KIAA1958: variants seen among roughly 807,000 people sequenced by gnomAD.
KIAA1958 encodes uncharacterized protein KIAA1958.
KIAA1958 carries 14 observed loss-of-function variants against 47.2 expected under a neutral mutation model. That is an observed-to-expected ratio of 0.30 (90% CI 0.20 to 0.46). The LOEUF (loss-of-function observed/expected upper bound fraction) is 0.46. Among genes scored for constraint, KIAA1958 ranks in the 20% least tolerant of loss-of-function variants. The probability of loss-of-function intolerance (pLI) is 1.00; values close to 1 mark genes in which losing one functional copy is unlikely to be tolerated. For synonymous variants in KIAA1958, 354 were observed against 353.3 expected, an observed-to-expected ratio of 1.00 and a Z score of -0.02; for missense variants, 803 against 909.2, an observed-to-expected ratio of 0.88 and a Z score of 1.50.
At chr9:112,624,898 T>C (rs1836579676) in intron 2 of KIAA1958, among the ~76,000 whole-genome samples, 1 of 152,156 alleles carries the variant, frequency 6.6e-6, no homozygotes, top group African/African-American at 2.4e-5. Context: ...GCCCAGTGAT[T>C]TTCAATGCTG....
At position 112,574,880 on chromosome 9, in the gene KIAA1958, A is replaced by G; in HGVS notation, c.800A>G (p.His267Arg). 6.2e-7 allele frequency: 1 copy of G among 1,614,026 alleles called. No individual in the cohort carries two copies. Among genetic ancestry groups the G allele is most frequent in the Non-Finnish European group, 8.5e-7 (1 of 1,180,000 alleles). Reference protein sequence around the residue: ...TSAISTELDPHGMSASPSVIS... With the variant: ...TSAISTELDPRGMSASPSVIS... The stretch of plus-strand genomic sequence containing the variant: ...GCCATCAGCACGGAGCTAGACCCAC[A>G]CGGTATGTCTGCATCCCCCTCTGTG... The change falls in exon 2 of 4, where the codon CAC becomes CGC. Residue 267 changes from histidine to arginine, a missense_variant. This residue lies in a region of KIAA1958 where 761 missense variants were observed against 829.3 expected (regional missense o/e 0.92). Transcript: ENST00000337530.
At chr9:112,638,819 G>A (rs1363333994) in intron 2 of KIAA1958, among the ~76,000 whole-genome samples, 2 of 151,518 alleles carry the variant, frequency 1.3e-5, no homozygotes, top group Admixed American at 6.6e-5. Flanking sequence ...TTCTCTCTCT[G>A]CCTCAATTTG....
intron 1 of KIAA1958, among the ~76,000 whole-genome samples, chr9:112,530,687 A>G (rs940634475): frequency 7.9e-5 from 12 of 152,254 alleles, no homozygotes; most frequent in African/African-American, 2.9e-4. Flanking sequence ...AAATCATATT[A>G]GAGAATTTTT....
intron 1 of KIAA1958, among the ~76,000 whole-genome samples, chr9:112,547,555 G>C (rs1349736110): frequency 6.8e-6 from 1 of 147,372 alleles, no homozygotes; most frequent in Non-Finnish European, 1.5e-5. Context: ...GACACAATTG[G>C]CCAGCATTAA....
At chr9:112,586,065 T>C (rs1835818030) in intron 2 of KIAA1958, among the ~76,000 whole-genome samples, 1 of 152,188 alleles carries the variant, frequency 6.6e-6, no homozygotes. Flanking sequence ...ACACCCCTAG[T>C]TTAAAAACAA....
intron 3 of KIAA1958, among the ~76,000 whole-genome samples, chr9:112,651,573 T>G (rs1257402915): frequency 1.3e-5 from 2 of 151,948 alleles, no homozygotes; most frequent in Non-Finnish European, 2.9e-5. Context: ...TTTTTGTATT[T>G]TTAGTAAAGA....
At position 112,618,987 on chromosome 9, in the gene KIAA1958, G is replaced by T. The variant is rs1044913261; in HGVS notation, c.1172-26663G>T. Reference sequence around the variant, plus strand: ...AAACTGTGATTATACACCGCTTCTCGTTCCCCTTCCTGTGCCCTCAGTGTT... The same window carrying T: ...AAACTGTGATTATACACCGCTTCTCTTTCCCCTTCCTGTGCCCTCAGTGTT... On this transcript the variant is annotated intron_variant, in intron 2 of 3. Transcript: ENST00000337530. The surrounding 1 kb of genome is among the most constrained non-coding windows in gnomAD (Gnocchi z 7.1). 2 of 1,436,624 alleles carry T rather than the reference G, an allele frequency of 1.4e-6. No homozygotes were observed. Among genetic ancestry groups the T allele is most frequent in the Non-Finnish European group, 9.2e-7 (1 of 1,087,378 alleles). The allele number at this position is 1,436,624 out of a possible 1,614,324, so 89.0% of individuals were successfully genotyped here. A position where few individuals can be genotyped will look rare whatever the true frequency, so the allele number is the denominator to read the frequency against.
intron 1 of KIAA1958, among the ~76,000 whole-genome samples, chr9:112,566,986 A>G (rs2131165327): frequency 6.6e-6 from 1 of 152,248 alleles, no homozygotes; most frequent in East Asian, 1.9e-4. Flanking sequence ...ATTTTTTATT[A>G]TGATAAAAAT....
rs376145903 is a variant in KIAA1958, at chr9:112,660,292, C to A, written c.*223C>A. On this transcript the variant is annotated 3_prime_UTR_variant, in exon 4 of 4. Transcript: ENST00000337530. ...GGTTTATCCAAATGTGCGTCAACTT[C>A]GTTAGCTTTTAGAATCTAACACAAT... 2.0e-5 allele frequency: 11 copies of A among 563,282 alleles called. No homozygotes were observed. Among genetic ancestry groups the A allele is most frequent in the Non-Finnish European group, 3.2e-6 (1 of 315,216 alleles). The allele number at this position is 563,282 out of a possible 1,614,324, so 34.9% of individuals were successfully genotyped here.
chr9:112,611,555 G>C (rs1440169526), intron 2 of KIAA1958, among the ~76,000 whole-genome samples: 1 of 151,680 alleles, frequency 6.6e-6, no homozygotes, highest in Admixed American at 6.6e-5. Flanking sequence ...GGGGTGGGGA[G>C]AAAATCAAAA....
chr9:112,536,915 G>A (rs989546022), intron 1 of KIAA1958, among the ~76,000 whole-genome samples: 1 of 151,874 alleles, frequency 6.6e-6, no homozygotes, highest in Non-Finnish European at 1.5e-5. Flanking sequence ...TACCTTGGGA[G>A]CAGGAACAAA....
intron 1 of KIAA1958, among the ~76,000 whole-genome samples, chr9:112,531,212 A>G (rs1353479539): frequency 6.6e-5 from 10 of 152,302 alleles, no homozygotes; most frequent in Non-Finnish European, 1.5e-4. Context: ...AACATGGAGA[A>G]ACCCCATCTC....
In KIAA1958 at chr9:112,519,606, A is replaced by G. The variant is rs77187751; in HGVS notation, c.-25+32488A>G. On this transcript the variant is annotated intron_variant, in intron 1 of 3. Coordinates refer to ENST00000337530, the MANE Select transcript of KIAA1958 (RefSeq NM_133465.4). ...GTTTGCCTTCCTTAGTGCTTGGTAC[A>G]TAAGTGCCCAGTGATTACAGAACTA... Among the ~76,000 whole-genome samples the G allele has an allele frequency of 5.2e-3, 797 of 152,324 alleles. 10 individuals carry two copies. Among genetic ancestry groups the G allele is most frequent in the African/African-American group, 0.018 (757 of 41,570 alleles).
Position 112,550,197 on chromosome 9 carries a change from G to A in KIAA1958, c.-24-23860G>A, listed in dbSNP as rs1835117986. Among the ~76,000 whole-genome samples, 3 of 150,920 alleles carry A rather than the reference G, an allele frequency of 2.0e-5. 1 individual carries two copies. On this transcript the variant is annotated intron_variant, in intron 1 of 3. Transcript: ENST00000337530. ...TTGGAGCCTTTGATGGAGAGTTTGAGGTAAATCTGTTGATAAGTAACTAGT... is the reference window on the plus strand; with the variant it reads ...TTGGAGCCTTTGATGGAGAGTTTGAAGTAAATCTGTTGATAAGTAACTAGT...
chr9:112,564,158 G>A (rs1245660508), intron 1 of KIAA1958, among the ~76,000 whole-genome samples: 1 of 152,148 alleles, frequency 6.6e-6, no homozygotes, highest in Non-Finnish European at 1.5e-5. Context: ...ACAAGTTGAA[G>A]GAAGTGCTTT....
chr9:112,488,267 C>T lies in KIAA1958; in HGVS notation c.-25+1149C>T, dbSNP rs147420594. On this transcript the variant is annotated intron_variant, in intron 1 of 3. Transcript: ENST00000337530. Reference sequence around the variant, plus strand: ...TACTATTTTATTCCACGTATATAACCCAACGATTGGGTTGTGCATGGATAT... The same window carrying T: ...TACTATTTTATTCCACGTATATAACTCAACGATTGGGTTGTGCATGGATAT... Among the ~76,000 whole-genome samples the T allele has an allele frequency of 3.3e-5, 5 of 152,072 alleles. No homozygotes were observed. The East Asian group carries it at 9.6e-4, about 29-fold the overall frequency.
At chr9:112,641,410 C>T (rs1471746865) in intron 2 of KIAA1958, among the ~76,000 whole-genome samples, 3 of 105,756 alleles carry the variant, frequency 2.8e-5, no homozygotes, top group Admixed American at 9.5e-5. Context: ...TCTAGTGCCT[C>T]TTGGTGGCTT....
intron 2 of KIAA1958, among the ~76,000 whole-genome samples, chr9:112,626,339 A>G (rs1254264801): frequency 6.6e-6 from 1 of 152,176 alleles, no homozygotes; most frequent in Admixed American, 6.6e-5. Flanking sequence ...GAAAAAGTTC[A>G]AATTTTAGAT....
chr9:112,647,866 A>G (rs898383863), intron 3 of KIAA1958, among the ~76,000 whole-genome samples: 2 of 152,228 alleles, frequency 1.3e-5, no homozygotes, highest in African/African-American at 2.4e-5. Flanking sequence ...CAATCTCACT[A>G]ATTTGAGGGT....
Sources: allele counts gnomAD v4.1 joint callset (sites outside exome capture counted in the v4.1 genomes callset), GRCh38; gene constraint gnomAD v4.1.1; regional missense constraint gnomAD v4.1.1; non-coding constraint Gnocchi (gnomAD v3.1); transcripts MANE v1.5; gene names NCBI Gene and HGNC (gene_info 2026-07-23, HGNC 2026-07-21).